The following KCNU1 variants were observed in gnomAD, a reference collection of about 807,000 sequenced individuals.
KCNU1 encodes the protein potassium calcium-activated channel subfamily U member 1.
A neutral mutation model predicts 126.8 loss-of-function variants in KCNU1; 93 were observed. The ratio of observed to expected loss-of-function variants is 0.73; its 90% CI spans 0.62 to 0.87. The LOEUF (loss-of-function observed/expected upper bound fraction) is 0.87, where lower values mean the gene tolerates loss of function less well. Ranked by LOEUF, KCNU1 falls within the 40% of genes least tolerant of loss-of-function variation. KCNU1 has a pLI of 0.00. For missense variants in KCNU1, 1,330 were observed against 1,367.1 expected (o/e 0.97, Z 0.43); for synonymous variants, 523 against 494.2 (o/e 1.06, Z -0.77).
chr8:36,810,629 T>C (rs1803677215), intron 7 of KCNU1, among the ~76,000 whole-genome samples: 1 of 152,210 alleles, frequency 6.6e-6, no homozygotes, highest in Admixed American at 6.5e-5. Context: ...TAACTCACCA[T>C]CTTCCCATTC....
chr8:36,807,923 C>T (rs945933147), intron 6 of KCNU1, among the ~76,000 whole-genome samples: 29 of 152,114 alleles, frequency 1.9e-4, no homozygotes, highest in African/African-American at 6.5e-4. Context: ...AATATAGCCA[C>T]CTAAGTATTT....
intron 14 of KCNU1, among the ~76,000 whole-genome samples, chr8:36,837,543 A>C (rs1804796415): frequency 1.3e-5 from 2 of 152,182 alleles, no homozygotes; most frequent in Non-Finnish European, 2.9e-5. Context: ...TAACTTGATC[A>C]TGCAGTAAGT....
At chr8:36,894,638 T>G (rs952676247) in intron 19 of KCNU1, among the ~76,000 whole-genome samples, 6 of 152,124 alleles carry the variant, frequency 3.9e-5, no homozygotes, top group Non-Finnish European at 7.4e-5. Flanking sequence ...TATTATTTAT[T>G]CAAGGAGTCA....
At chr8:36,836,047 G>A (rs528700397) in intron 12 of KCNU1, among the ~76,000 whole-genome samples, 4 of 152,274 alleles carry the variant, frequency 2.6e-5, no homozygotes, top group African/African-American at 9.6e-5. Context: ...ATTGGTCTCA[G>A]AAGAACACAG....
At chr8:36,929,177 T>C in intron 24 of KCNU1, 1 of 523,828 alleles carries the variant, frequency 1.9e-6, no homozygotes, top group Non-Finnish European at 3.4e-6. Context: ...AGGTCAGGAG[T>C]TTGAGATCAG....
chr8:36,874,756 A>G (rs1806220225), intron 19 of KCNU1, among the ~76,000 whole-genome samples: 1 of 152,212 alleles, frequency 6.6e-6, no homozygotes. Context: ...ACCTTTTAAA[A>G]TAAACATCAA....
In KCNU1 at chr8:36,815,662, TC is replaced by T. The variant is rs781621089; in HGVS notation, c.972del (p.Tyr325MetfsTer21). ...TGCTAACAAGAGGAAATACACCAGT[TC>T]CTATGAAGCACTCAAAGGAAAGAAG... is the stretch of plus-strand genomic sequence containing the variant. ...LFANKRKYTS[S>X]YEALKGKKFI... On this transcript the variant is annotated frameshift_variant, in exon 9 of 27. Transcript: ENST00000399881. LOFTEE classifies it high-confidence loss of function. The T allele has an allele frequency of 6.3e-7, 1 of 1,589,916 alleles. No individual in the cohort carries two copies. The highest frequency in any genetic ancestry group is 1.1e-5 in the South Asian group (1 of 87,810).
At chr8:36,901,664 C>T (rs894965651) in intron 19 of KCNU1, among the ~76,000 whole-genome samples, 3 of 152,158 alleles carry the variant, frequency 2.0e-5, no homozygotes, top group African/African-American at 7.2e-5. Context: ...GGAGATGGGA[C>T]CCTGAGAACA....
At chr8:36,852,112 G>A (rs549517786) in intron 18 of KCNU1, among the ~76,000 whole-genome samples, 65 of 151,812 alleles carry the variant, frequency 4.3e-4, no homozygotes, top group African/African-American at 1.5e-3. Context: ...CATTTTTTTT[G>A]CTTTGTTGAG....
intron 18 of KCNU1, among the ~76,000 whole-genome samples, chr8:36,857,743 T>C (rs1329942216): frequency 6.6e-6 from 1 of 152,098 alleles, no homozygotes; most frequent in East Asian, 1.9e-4. Flanking sequence ...CCTCCCGGGT[T>C]AAAGTGATTC....
chr8:36,927,046 C>T (rs1274980230), intron 24 of KCNU1, among the ~76,000 whole-genome samples: 1 of 152,102 alleles, frequency 6.6e-6, no homozygotes, highest in Non-Finnish European at 1.5e-5. Flanking sequence ...TGCTCTTCCA[C>T]CTTTCTCTCT....
intron 18 of KCNU1, among the ~76,000 whole-genome samples, chr8:36,847,961 G>A (rs193113102): frequency 1.3e-3 from 197 of 152,174 alleles, no homozygotes; most frequent in African/African-American, 4.6e-3. Context: ...CCACATCCTT[G>A]TCAGCATCTA....
intron 21 of KCNU1, among the ~76,000 whole-genome samples, chr8:36,910,294 C>G (rs1807815473): frequency 6.6e-6 from 1 of 152,122 alleles, no homozygotes; most frequent in Non-Finnish European, 1.5e-5. Context: ...TCTCAAGAAG[C>G]AAATTGCATT....
intron 23 of KCNU1, among the ~76,000 whole-genome samples, chr8:36,920,886 T>C (rs1330139290): frequency 6.6e-6 from 1 of 152,210 alleles, no homozygotes; most frequent in Non-Finnish European, 1.5e-5. Context: ...TATCACTTCA[T>C]TCATTAATGT....
At position 36,815,606 on chromosome 8, in the gene KCNU1, C is replaced by T. The variant is rs763180709; in HGVS notation, c.914C>T (p.Ala305Val). ...FFTLGSLILF[A>V]NYIPEMVELF... ...GCTGATCAATTTTAGATATTATTTG[C>T]GAACTATATACCTGAAATGGTGGAA... The change falls in exon 9 of 27, where the codon GCG becomes GTG. Residue 305 changes from alanine (A) to valine (V), a missense_variant. Coordinates refer to ENST00000399881, the MANE Select transcript of KCNU1 (RefSeq NM_001031836.3). 12 of 1,557,644 alleles carry T rather than the reference C, an allele frequency of 7.7e-6. No homozygotes were observed. The highest frequency in any genetic ancestry group is 1.9e-5 in the Admixed American group (1 of 53,018).
At chr8:36,840,396 C>T in intron 14 of KCNU1, 67 bp from the exon 15 acceptor site, 1 of 746,408 alleles carries the variant, frequency 1.3e-6, no homozygotes, top group East Asian at 2.6e-5. Flanking sequence ...GCAGAATATG[C>T]AATGTGAATT....
At chr8:36,806,157 G>A (rs1442278563) in intron 4 of KCNU1, 112 bp from the exon 5 acceptor site, 3 of 621,588 alleles carry the variant, frequency 4.8e-6, no homozygotes, top group Non-Finnish European at 8.4e-6. Context: ...TAAAATAGAA[G>A]GAGATCAAGG....
intron 18 of KCNU1, among the ~76,000 whole-genome samples, chr8:36,853,123 G>A (rs576177932): frequency 6.6e-6 from 1 of 152,154 alleles, no homozygotes; most frequent in Non-Finnish European, 1.5e-5. Flanking sequence ...GCTGAGGTTG[G>A]CGTATCACCT....
At chr8:36,866,875 A>C (rs1279929321) in intron 19 of KCNU1, among the ~76,000 whole-genome samples, 1 of 152,146 alleles carries the variant, frequency 6.6e-6, no homozygotes, top group East Asian at 1.9e-4. Context: ...AAGATGTAAA[A>C]TGCTCCCAAT....
Sources: allele counts gnomAD v4.1 joint callset (sites outside exome capture counted in the v4.1 genomes callset), GRCh38; gene constraint gnomAD v4.1.1; transcripts MANE v1.5; gene names NCBI Gene and HGNC (gene_info 2026-07-23, HGNC 2026-07-21).